TAOK3: variants seen among roughly 807,000 people sequenced by gnomAD.
TAOK3 encodes TAO kinase 3.
A neutral mutation model predicts 120.4 loss-of-function variants in TAOK3; 40 were observed. That is an observed-to-expected ratio of 0.33 (90% CI 0.26 to 0.43). The LOEUF (loss-of-function observed/expected upper bound fraction) is 0.43. Among genes scored for constraint, TAOK3 ranks in the 20% least tolerant of loss-of-function variants. TAOK3 has a pLI of 1.00. For missense variants in TAOK3, 821 were observed against 1,112.1 expected (o/e 0.74, Z 3.72); for synonymous variants, 355 against 387.5 (o/e 0.92, Z 0.99).
chr12:118,281,897 A>C (rs1426126873), intron 1 of TAOK3, among the ~76,000 whole-genome samples: 3 of 152,248 alleles, frequency 2.0e-5, no homozygotes, highest in Non-Finnish European at 4.4e-5. Context: ...ATGAGCATAA[A>C]AAATATTTTG....
chr12:118,281,304 T>C (rs1333024068), intron 1 of TAOK3, among the ~76,000 whole-genome samples: 2 of 152,156 alleles, frequency 1.3e-5, no homozygotes, highest in Non-Finnish European at 2.9e-5. Flanking sequence ...CTATTCAGTA[T>C]GATGTTGGTT....
intron 1 of TAOK3, among the ~76,000 whole-genome samples, chr12:118,278,774 C>T (rs1459301542): frequency 6.6e-6 from 1 of 152,056 alleles, no homozygotes; most frequent in African/African-American, 2.4e-5. Context: ...AAAAATGTTC[C>T]ATTTTTTCTG....
chr12:118,266,646 G>A lies in TAOK3; in HGVS notation c.-89+9C>T. ...TTCTTAGGAGAAAGCTAAGTTGTAT[G>A]GACAATACCTTTTTGTGTGTGGCAC... On this transcript the variant is annotated intron_variant, in intron 2 of 20. Transcript: ENST00000392533. 2.5e-6 allele frequency: 1 copy of A among 397,932 alleles called. No homozygotes were observed. The allele number at this position is 397,932 out of a possible 1,614,324, so 24.7% of individuals were successfully genotyped here.
intron 13 of TAOK3, chr12:118,198,798 T>C (rs1486096775): frequency 4.0e-6 from 2 of 500,586 alleles, no homozygotes; most frequent in African/African-American, 1.9e-5. Flanking sequence ...GAAGGACTTA[T>C]CAAATTCTTC....
chr12:118,193,371 A>G (rs1308396189), intron 13 of TAOK3, among the ~76,000 whole-genome samples: 2 of 152,166 alleles, frequency 1.3e-5, no homozygotes, highest in Admixed American at 1.3e-4. Flanking sequence ...TCATCATAAA[A>G]AATAAATTTC....
rs139958562 is a variant in TAOK3 at position 118,307,222 on chromosome 12, T to TC, written c.-193-40464dup. Among the ~76,000 whole-genome samples, 1,113 of 149,688 alleles carry TC rather than the reference T, an allele frequency of 7.4e-3. 4 individuals are homozygous for TC. Among genetic ancestry groups the TC allele is most frequent in the Middle Eastern group, 0.011 (3 of 284 alleles). On this transcript the variant is annotated intron_variant, in intron 1 of 20. Transcript: ENST00000392533. Reference sequence around the variant, plus strand: ...ATGAATCAACCTTCCCGCCTCCTCTTCCCCCCCCCATCTCTGGAGTCCTCA... The same window carrying TC: ...ATGAATCAACCTTCCCGCCTCCTCTTCCCCCCCCCCATCTCTGGAGTCCTCA...
At chr12:118,230,251 G>A (rs1031670939) in intron 9 of TAOK3, among the ~76,000 whole-genome samples, 22 of 151,796 alleles carry the variant, frequency 1.4e-4, no homozygotes, top group African/African-American at 4.8e-4. Flanking sequence ...GATCTGTAAC[G>A]GCTTTTGTGT....
At chr12:118,154,856 A>C (rs530871679) in intron 19 of TAOK3, among the ~76,000 whole-genome samples, 1 of 152,210 alleles carries the variant, frequency 6.6e-6, no homozygotes, top group Non-Finnish European at 1.5e-5. Context: ...ACAGGCGCAC[A>C]GGATTCCCCC....
At chr12:118,153,432 A>AGAGGGTAG (rs2034591734) in intron 19 of TAOK3, among the ~76,000 whole-genome samples, 1 of 152,136 alleles carries the variant, frequency 6.6e-6, no homozygotes, top group African/African-American at 2.4e-5. Flanking sequence ...TCTTCCTCTC[A>AGAGGGTAG]GAGGGTAGGT....
intron 9 of TAOK3, among the ~76,000 whole-genome samples, chr12:118,218,012 A>G (rs2039021721): frequency 1.3e-5 from 2 of 150,116 alleles, no homozygotes; most frequent in Admixed American, 1.3e-4. Flanking sequence ...GGCGCATGCC[A>G]CCACGCCTCG....
intron 19 of TAOK3, among the ~76,000 whole-genome samples, chr12:118,158,808 C>G (rs2035014693): frequency 6.6e-6 from 1 of 152,212 alleles, no homozygotes; most frequent in Non-Finnish European, 1.5e-5. Flanking sequence ...CTCCTGGCTT[C>G]TGAGGCTCTG....
chr12:118,274,738 C>T (rs941717788), intron 1 of TAOK3, among the ~76,000 whole-genome samples: 2 of 152,092 alleles, frequency 1.3e-5, no homozygotes, highest in African/African-American at 2.4e-5. Flanking sequence ...CAGAGATTCT[C>T]GTGCCTCAAT....
chr12:118,189,771 A>G (rs1593100865), intron 14 of TAOK3, 36 bp downstream of exon 14: 1 of 1,611,332 alleles, frequency 6.2e-7, no homozygotes, highest in Non-Finnish European at 8.5e-7. Flanking sequence ...GGAGGAGGGG[A>G]AGGAAGGGAA....
At chr12:118,306,237 G>A (rs1273641675) in intron 1 of TAOK3, among the ~76,000 whole-genome samples, 1 of 152,096 alleles carries the variant, frequency 6.6e-6, no homozygotes, top group East Asian at 1.9e-4. Context: ...TTGTCACCCA[G>A]GAACTAAGTA....
rs556411748 is a variant in TAOK3 at position 118,165,447 on chromosome 12, A to T, written c.1900-3420T>A. 1.2e-4 allele frequency among the ~76,000 whole-genome samples: 19 copies of T among 152,326 alleles called. No individual in the cohort carries two copies. In the South Asian group the frequency reaches 3.7e-3, roughly 30 times the overall value. On this transcript the variant is annotated intron_variant, in intron 17 of 20. Transcript: ENST00000392533. Reference sequence around the variant, plus strand: ...AAAGCAAGCAAACACCTTCAGAAGAAATCAAGTGCTTCTCTTCCTGCTTAA... The same window carrying T: ...AAAGCAAGCAAACACCTTCAGAAGATATCAAGTGCTTCTCTTCCTGCTTAA...
At chr12:118,281,484 T>C (rs911028141) in intron 1 of TAOK3, among the ~76,000 whole-genome samples, 1 of 152,200 alleles carries the variant, frequency 6.6e-6, no homozygotes, top group African/African-American at 2.4e-5. Flanking sequence ...GAAATGAATT[T>C]ATAAAAATAT....
chr12:118,313,265 A>C (rs1229933139), intron 1 of TAOK3, among the ~76,000 whole-genome samples: 1 of 151,576 alleles, frequency 6.6e-6, no homozygotes, highest in Non-Finnish European at 1.5e-5. Context: ...CTTCTTTTTT[A>C]TTTTTTATTT....
At chr12:118,262,538 G>C (rs1396170156) in intron 2 of TAOK3, among the ~76,000 whole-genome samples, 1 of 151,684 alleles carries the variant, frequency 6.6e-6, no homozygotes, top group Non-Finnish European at 1.5e-5. Context: ...TAAAAAATGT[G>C]AAATATGGCC....
At chr12:118,257,285 T>G (rs1322880222) in intron 2 of TAOK3, among the ~76,000 whole-genome samples, 2 of 152,218 alleles carry the variant, frequency 1.3e-5, no homozygotes, top group Non-Finnish European at 2.9e-5. Context: ...ACATGGAGGC[T>G]AGGTTAAATG....
Sources: allele counts gnomAD v4.1 joint callset (sites outside exome capture counted in the v4.1 genomes callset), GRCh38; gene constraint gnomAD v4.1.1; transcripts MANE v1.5; gene names NCBI Gene and HGNC (gene_info 2026-07-23, HGNC 2026-07-21).